Variants in RBM15 observed in about 807,000 individuals in gnomAD.
The protein encoded by RBM15 is RNA binding motif protein 15.
A neutral mutation model predicts 62.6 loss-of-function variants in RBM15; 8 were observed. The observed-to-expected ratio is 0.13, with a 90% CI of 0.07 to 0.23. The LOEUF is 0.23. RBM15 is among the 10% of genes least tolerant of loss of function. The pLI, the probability that RBM15 is intolerant of heterozygous loss-of-function variation, is 1.00. For missense variants in RBM15, 1,144 were observed against 1,286.5 expected (o/e 0.89, Z 1.69); for synonymous variants, 606 against 505.7 (o/e 1.20, Z -2.66).
rs762789694 is a variant in RBM15 at position 110,340,851 on chromosome 1, C to T, written c.1446C>T (p.Arg482=). Residue 482 remains arginine, a synonymous_variant, in exon 1 of 3, where the codon CGC becomes CGT. Transcript: ENST00000369784. This position sits in a 1 kb window ranked among gnomAD's most constrained non-coding sequence, Gnocchi z 5.8. ...AREFDRFGTI[R]TIDYRKGDSW... ...AATTTGATCGATTTGGCACCATACGCACCATAGACTACCGAAAAGGTGATA... is the reference window on the plus strand; with the variant it reads ...AATTTGATCGATTTGGCACCATACGTACCATAGACTACCGAAAAGGTGATA... 2.5e-6 allele frequency: 4 copies of T among 1,614,194 alleles called. No individual in the cohort carries two copies. The highest frequency in any genetic ancestry group is 1.7e-5 in the Admixed American group (1 of 60,028).
chr1:110,346,424 C>G lies in RBM15; in HGVS notation c.*157C>G. On this transcript the variant is annotated 3_prime_UTR_variant, in exon 3 of 3. Coordinates refer to ENST00000369784, the MANE Select transcript of RBM15 (RefSeq NM_022768.5). The stretch of plus-strand genomic sequence containing the variant: ...GGGCCTCTGATGGAAGAAAGCTAAT[C>G]TGTTTAGTATTTGTGCATTTTACTA... 1 of 1,418,932 alleles carries G rather than the reference C, an allele frequency of 7.0e-7. No individual in the cohort carries two copies. The highest frequency in any genetic ancestry group is 9.8e-7 in the Non-Finnish European group (1 of 1,019,630). The allele number at this position is 1,418,932 out of a possible 1,614,324, so 87.9% of individuals were successfully genotyped here. A position where few individuals can be genotyped will look rare whatever the true frequency, so the allele number is the denominator to read the frequency against.
Position 110,341,661 on chromosome 1 carries a change from T to C in RBM15, c.2256T>C (p.Ser752=), listed in dbSNP as rs1660801310. The C allele has an allele frequency of 1.9e-6, 3 of 1,613,846 alleles. No homozygotes were observed. The highest frequency in any genetic ancestry group is 2.2e-5 in the South Asian group (2 of 91,052). The part of the protein sequence containing the change: ...PLKKEDRSDG[S]APSTSTASSK... ...AAAAAGAAGACCGCTCTGATGGGAG[T>C]GCACCTAGCACCAGCACTGCTTCCT... The change falls in exon 1 of 3, where the codon AGT becomes AGC. Residue 752 remains serine (S), a synonymous_variant. Coordinates refer to ENST00000369784, the MANE Select transcript of RBM15 (RefSeq NM_022768.5). This position sits in a 1 kb window ranked among gnomAD's most constrained non-coding sequence, Gnocchi z 4.5.
Position 110,340,151 on chromosome 1 carries a change from C to G in RBM15, c.746C>G (p.Ala249Gly). ...VLYDRPLKIE[A>G]VYVSRRRSRS... ...TATGACCGGCCTCTGAAGATAGAAGCTGTGTATGTGAGCCGGCGCCGCAGC... is the reference window on the plus strand; with the variant it reads ...TATGACCGGCCTCTGAAGATAGAAGGTGTGTATGTGAGCCGGCGCCGCAGC... The change falls in exon 1 of 3, where the codon GCT becomes GGT. Residue 249 changes from alanine (A) to glycine (G), a missense_variant. Transcript: ENST00000369784. This position sits in a 1 kb window ranked among gnomAD's most constrained non-coding sequence, Gnocchi z 5.8. The G allele has an allele frequency of 6.2e-7, 1 of 1,613,972 alleles. No individual in the cohort carries two copies. Among genetic ancestry groups the G allele is most frequent in the Non-Finnish European group, 8.5e-7 (1 of 1,179,940 alleles).
chr1:110,339,778 A>G lies in RBM15; in HGVS notation c.373A>G (p.Ser125Gly). The G allele has an allele frequency of 1.2e-6, 2 of 1,606,732 alleles. No homozygotes were observed. The highest frequency in any genetic ancestry group is 1.7e-6 in the Non-Finnish European group (2 of 1,174,830). ...GGGCAGCTCCAGTAGCCGCTTGCAT[A>G]GTTATAGCTCCCCGAGCACCAAAAA... The part of the protein sequence containing the change: ...GGGSSSSRLH[S>G]YSSPSTKNSS... Residue 125 changes from serine (S) to glycine (G), a missense_variant, in exon 1 of 3, where the codon AGT (serine) becomes GGT (glycine). By Grantham distance (56) the Ser-to-Gly change is moderately conservative (BLOSUM62 0). This residue lies in a region of RBM15 where 298 missense variants were observed against 250.0 expected (regional missense o/e 1.19). Transcript: ENST00000369784.
Position 110,345,626 on chromosome 1 carries a change from C to T in RBM15, c.*17C>T. 6.3e-7 allele frequency: 1 copy of T among 1,576,398 alleles called. No homozygotes were observed. The highest frequency in any genetic ancestry group is 8.6e-7 in the Non-Finnish European group (1 of 1,166,954). ...CTGTTATAGTGGTTATAGTGGTGTCCCTAAAGGGAGGAAATGATTTCAGGT... is the reference window on the plus strand; with the variant it reads ...CTGTTATAGTGGTTATAGTGGTGTCTCTAAAGGGAGGAAATGATTTCAGGT... On this transcript the variant is annotated 3_prime_UTR_variant, in exon 2 of 3. Transcript: ENST00000369784.
At chr1:110,345,200 A>G (rs1004020514) in intron 1 of RBM15, among the ~76,000 whole-genome samples, 8 of 152,036 alleles carry the variant, frequency 5.3e-5, no homozygotes, top group Admixed American at 2.0e-4. Context: ...GCCCTTCTTG[A>G]CTCAGTTACA....
Position 110,341,276 on chromosome 1 carries a change from A to G in RBM15, c.1871A>G (p.Asp624Gly). The change falls in exon 1 of 3, where the codon GAC becomes GGC. Residue 624 changes from aspartate to glycine, a missense_variant. Transcript: ENST00000369784. This position sits in a 1 kb window ranked among gnomAD's most constrained non-coding sequence, Gnocchi z 4.5. ...LDRRRDGWSL[D>G]RDRGDRDLPS... ...CGCAGGCGGGATGGTTGGTCCTTGG[A>G]CCGGGACAGAGGTGATCGAGATCTG... is the stretch of plus-strand genomic sequence containing the variant. 1 of 1,614,024 alleles carries G rather than the reference A, an allele frequency of 6.2e-7. No homozygotes were observed. The highest frequency in any genetic ancestry group is 8.5e-7 in the Non-Finnish European group (1 of 1,180,000).
In RBM15 at chr1:110,345,855, G is replaced by A. The variant is rs12568450; in HGVS notation, c.*40+206G>A. Among the ~76,000 whole-genome samples the A allele has an allele frequency of 1.6e-4, 24 of 152,200 alleles. No homozygotes were observed. In the East Asian group the frequency reaches 2.7e-3, roughly 17 times the overall value. ...TGTATCGACCCCTTTCTACAATAAT[G>A]GAGTAGTCTATGTTGCTCCATATAA... On this transcript the variant is annotated intron_variant, in intron 2 of 2. Transcript: ENST00000369784.
Position 110,339,901 on chromosome 1 carries a change from G to C in RBM15, c.496G>C (p.Gly166Arg), listed in dbSNP as rs757838412. 1 of 1,605,440 alleles carries C rather than the reference G, an allele frequency of 6.2e-7. No homozygotes were observed. The highest frequency in any genetic ancestry group is 8.5e-7 in the Non-Finnish European group (1 of 1,172,854). ...CTCCTCAGCTCCCGGCGGCGGGGAC[G>C]GCGCGGAATACAAGACTCTGAAGAT... ...AASSAPGGGDGAEYKTLKISE... is the reference protein window; with the variant it reads ...AASSAPGGGDRAEYKTLKISE... The change falls in exon 1 of 3, where the codon GGC becomes CGC. Residue 166 changes from glycine to arginine, a missense_variant. Around this residue, in one of 8 missense-constraint regions of RBM15, gnomAD observed 298 missense variants for 250.0 expected, o/e 1.19. Coordinates refer to ENST00000369784, the MANE Select transcript of RBM15 (RefSeq NM_022768.5).
At position 110,339,783 on chromosome 1, in the gene RBM15, T is replaced by C. The variant is rs1164775587; in HGVS notation, c.378T>C (p.Tyr126=). Reference sequence around the variant, plus strand: ...GCTCCAGTAGCCGCTTGCATAGTTATAGCTCCCCGAGCACCAAAAATTCTT... The same window carrying C: ...GCTCCAGTAGCCGCTTGCATAGTTACAGCTCCCCGAGCACCAAAAATTCTT... ...GGSSSSRLHS[Y]SSPSTKNSSG... Residue 126 remains tyrosine, a synonymous_variant, in exon 1 of 3, where the codon TAT becomes TAC. Coordinates refer to ENST00000369784, the MANE Select transcript of RBM15 (RefSeq NM_022768.5). 19 of 1,606,490 alleles carry C rather than the reference T, an allele frequency of 1.2e-5. No homozygotes were observed. The highest frequency in any genetic ancestry group is 2.2e-5 in the East Asian group (1 of 44,698).
rs1248391566 is a variant in RBM15, at chr1:110,341,135, A to T, written c.1730A>T (p.Asp577Val). The T allele has an allele frequency of 1.2e-6, 2 of 1,613,976 alleles. No homozygotes were observed. The highest frequency in any genetic ancestry group is 1.3e-5 in the African/African-American group (1 of 74,922). Residue 577 changes from aspartate to valine, a missense_variant, in exon 1 of 3, where the codon GAT becomes GTT. Transcript: ENST00000369784. This position sits in a 1 kb window ranked among gnomAD's most constrained non-coding sequence, Gnocchi z 4.5. ...RTPPLLYRDR[D>V]RDLYPDSDWV... ...CCACCCTTACTATACAGAGATCGTG[A>T]TAGGGACCTTTATCCTGACTCTGAT...
At chr1:110,342,358 A>G in intron 1 of RBM15, 90 bp downstream of exon 1, 1 of 1,042,550 alleles carries the variant, frequency 9.6e-7, no homozygotes, top group Non-Finnish European at 1.3e-6. Flanking sequence ...CATCAGATGC[A>G]ATTTTCTTTT....
chr1:110,341,703 G>A lies in RBM15; in HGVS notation c.2298G>A (p.Pro766=), dbSNP rs914940401. The A allele has an allele frequency of 3.7e-6, 6 of 1,614,020 alleles. No individual in the cohort carries two copies. The East Asian group carries it at 1.1e-4, about 30-fold the overall frequency. Residue 766 remains proline (P), a synonymous_variant, in exon 1 of 3, where the codon CCG becomes CCA. Transcript: ENST00000369784. This position sits in a 1 kb window ranked among gnomAD's most constrained non-coding sequence, Gnocchi z 4.5. The part of the protein sequence containing the change: ...TSTASSKLKS[P]SQKQDGGTAP... Reference sequence around the variant, plus strand: ...CTGCTTCCTCCAAGCTGAAGTCCCCGTCCCAGAAACAGGATGGGGGGACAG... The same window carrying A: ...CTGCTTCCTCCAAGCTGAAGTCCCCATCCCAGAAACAGGATGGGGGGACAG...
chr1:110,342,849 A>C (rs188917208), intron 1 of RBM15, among the ~76,000 whole-genome samples: 118 of 152,280 alleles, frequency 7.7e-4, no homozygotes, highest in Middle Eastern at 3.4e-3. Context: ...ATTCCCAGAG[A>C]GTTTGCTTTA....
rs574545607 is a variant in RBM15 at position 110,340,044 on chromosome 1, G to T, written c.639G>T (p.Gly213=). Reference sequence around the variant, plus strand: ...GTCATCTGTCGGGTTCTGGCAGCGGGGATGAGCGGGTAGCCTTTGTGAACT... The same window carrying T: ...GTCATCTGTCGGGTTCTGGCAGCGGTGATGAGCGGGTAGCCTTTGTGAACT... ...KISHLSGSGS[G]DERVAFVNFR... The change falls in exon 1 of 3, where the codon GGG becomes GGT. Residue 213 remains glycine (G), a synonymous_variant. Transcript: ENST00000369784. This position sits in a 1 kb window ranked among gnomAD's most constrained non-coding sequence, Gnocchi z 5.8. The T allele has an allele frequency of 7.4e-6, 12 of 1,613,994 alleles. No homozygotes were observed. In the East Asian group the frequency reaches 2.7e-4, roughly 36 times the overall value.
chr1:110,339,575 G>C lies in RBM15; in HGVS notation c.170G>C (p.Arg57Pro). 1.2e-6 allele frequency: 2 copies of C among 1,604,934 alleles called. No individual in the cohort carries two copies. The highest frequency in any genetic ancestry group is 2.2e-5 in the East Asian group (1 of 44,614). Residue 57 changes from arginine (R) to proline (P), a missense_variant, in exon 1 of 3, where the codon CGC (arginine) becomes CCC (proline). By Grantham distance (103) the Arg-to-Pro change is moderately radical. Around this residue, in one of 8 missense-constraint regions of RBM15, gnomAD observed 298 missense variants for 250.0 expected, o/e 1.19. Coordinates refer to ENST00000369784, the MANE Select transcript of RBM15 (RefSeq NM_022768.5). ...GKERSPVKAK[R>P]SRGGEDSTSR... ...GAGCGCTCGCCAGTGAAGGCCAAACGCTCCCGTGGTGGTGAGGACTCGACT... is the reference window on the plus strand; with the variant it reads ...GAGCGCTCGCCAGTGAAGGCCAAACCCTCCCGTGGTGGTGAGGACTCGACT...
In RBM15 at chr1:110,339,839, G is replaced by T; in HGVS notation, c.434G>T (p.Arg145Leu). ...SGGGESRSSS[R>L]GGGGESRSSG... ...GGGGGCGAATCGCGCAGCAGCTCCC[G>T]GGGTGGAGGCGGGGAGTCACGTTCC... The change falls in exon 1 of 3, where the codon CGG (arginine) becomes CTG (leucine). Residue 145 changes from arginine to leucine, a missense_variant. Physicochemically the swap from Arg to Leu is moderately radical, Grantham distance 102. Coordinates refer to ENST00000369784, the MANE Select transcript of RBM15 (RefSeq NM_022768.5). 6.3e-7 allele frequency: 1 copy of T among 1,599,304 alleles called. No homozygotes were observed. The highest frequency in any genetic ancestry group is 2.2e-5 in the East Asian group (1 of 44,558).
In RBM15 at chr1:110,341,506, C is replaced by T; in HGVS notation, c.2101C>T (p.Pro701Ser). The change falls in exon 1 of 3, where the codon CCA becomes TCA. Residue 701 changes from proline to serine, a missense_variant. By Grantham distance (74) the Pro-to-Ser change is moderately conservative. Coordinates refer to ENST00000369784, the MANE Select transcript of RBM15 (RefSeq NM_022768.5). This position sits in a 1 kb window ranked among gnomAD's most constrained non-coding sequence, Gnocchi z 4.5. ...SSRLLLERPSPIRDRRGSLEK... is the reference protein window; with the variant it reads ...SSRLLLERPSSIRDRRGSLEK... ...CCGTCTTCTCTTGGAAAGGCCCTCTCCAATCAGAGACAGACGAGGTAGTTT... is the reference window on the plus strand; with the variant it reads ...CCGTCTTCTCTTGGAAAGGCCCTCTTCAATCAGAGACAGACGAGGTAGTTT... The T allele has an allele frequency of 6.2e-7, 1 of 1,614,130 alleles. No homozygotes were observed. Among genetic ancestry groups the T allele is most frequent in the Non-Finnish European group, 8.5e-7 (1 of 1,180,030 alleles).
chr1:110,341,808 C>T lies in RBM15; in HGVS notation c.2403C>T (p.Ser801=). The T allele has an allele frequency of 6.2e-7, 1 of 1,614,206 alleles. No individual in the cohort carries two copies. The highest frequency in any genetic ancestry group is 1.1e-5 in the South Asian group (1 of 91,088). The change falls in exon 1 of 3, where the codon TCC becomes TCT. Residue 801 remains serine (S), a synonymous_variant. Coordinates refer to ENST00000369784, the MANE Select transcript of RBM15 (RefSeq NM_022768.5). This position sits in a 1 kb window ranked among gnomAD's most constrained non-coding sequence, Gnocchi z 4.5. The part of the protein sequence containing the change: ...MLLLKNSNFP[S]NMHLLQGDLQ... ...TACTGAAGAACAGCAACTTTCCTTC[C>T]AACATGCATCTGTTGCAGGGTGACC...
Sources: allele counts gnomAD v4.1 joint callset (sites outside exome capture counted in the v4.1 genomes callset), GRCh38; gene constraint gnomAD v4.1.1; regional missense constraint gnomAD v4.1.1; non-coding constraint Gnocchi (gnomAD v3.1); transcripts MANE v1.5; gene names NCBI Gene and HGNC (gene_info 2026-07-23, HGNC 2026-07-21).